GPC5: variants seen among roughly 807,000 people sequenced by gnomAD.
GPC5 encodes the protein glypican-5.
Under a neutral mutation model 53.9 loss-of-function variants are expected in GPC5, and 47 were observed. That is an observed-to-expected ratio of 0.87 (90% CI 0.69 to 1.11). GPC5 has a LOEUF of 1.11. GPC5 is among the 50% of genes most tolerant of loss of function. GPC5 has a pLI of 0.00. For missense variants in GPC5, 748 were observed against 713.1 expected (o/e 1.05, Z -0.56); for synonymous variants, 286 against 263.3 (o/e 1.09, Z -0.84).
intron 7 of GPC5, among the ~76,000 whole-genome samples, chr13:92,812,844 T>C (rs1036998461): frequency 6.6e-6 from 1 of 151,920 alleles, no homozygotes; most frequent in Non-Finnish European, 1.5e-5. Context: ...TTAAGATTTT[T>C]ATTTGTATGC....
At chr13:91,555,122 C>T (rs2030869426) in intron 2 of GPC5, among the ~76,000 whole-genome samples, 1 of 151,982 alleles carries the variant, frequency 6.6e-6, no homozygotes, top group Non-Finnish European at 1.5e-5. Flanking sequence ...ATACAGATTC[C>T]ATATGCCCTT....
chr13:91,971,612 A>C (rs1269043865), intron 6 of GPC5, among the ~76,000 whole-genome samples: 1 of 151,962 alleles, frequency 6.6e-6, no homozygotes. Flanking sequence ...TAGTGCTATA[A>C]ATTTCCCTCT....
chr13:92,336,226 G>A (rs1176995718), intron 7 of GPC5, among the ~76,000 whole-genome samples: 2 of 152,114 alleles, frequency 1.3e-5, no homozygotes, highest in African/African-American at 4.8e-5. Flanking sequence ...TAAAGGGCAG[G>A]TAAAGCAAGG....
rs113219487 is a variant in GPC5 at position 92,152,715 on chromosome 13, G to A, written c.1561+7726G>A. 7.6e-3 allele frequency among the ~76,000 whole-genome samples: 1,134 copies of A among 148,954 alleles called. 24 individuals carry two copies. The highest frequency in any genetic ancestry group is 0.027 in the African/African-American group (1,079 of 40,076). ...GATCGCACCACTGCATTCCAGCCTG[G>A]GCGACAGAGTGAGACTCCATCTCAA... On this transcript the variant is annotated intron_variant, in intron 7 of 7. Coordinates refer to ENST00000377067, the MANE Select transcript of GPC5 (RefSeq NM_004466.6).
intron 7 of GPC5, among the ~76,000 whole-genome samples, chr13:92,369,966 T>C (rs968515456): frequency 6.6e-6 from 1 of 152,176 alleles, no homozygotes; most frequent in African/African-American, 2.4e-5. Flanking sequence ...CTCATTAGTG[T>C]TTTTAGGCAG....
At chr13:92,615,987 G>T (rs113088025) in intron 7 of GPC5, among the ~76,000 whole-genome samples, 4,138 of 152,252 alleles carry the variant, frequency 0.027, 200 homozygotes, top group African/African-American at 0.095. Context: ...CCGGGAGGCA[G>T]AGCTGGCAGT....
chr13:92,364,885 C>T (rs2043596093), intron 7 of GPC5, among the ~76,000 whole-genome samples: 1 of 151,572 alleles, frequency 6.6e-6, no homozygotes, highest in Non-Finnish European at 1.5e-5. Flanking sequence ...TTGTTTTTAC[C>T]AATCAGCTCC....
chr13:92,306,572 T>C (rs1207175120), intron 7 of GPC5, among the ~76,000 whole-genome samples: 1 of 152,190 alleles, frequency 6.6e-6, no homozygotes, highest in East Asian at 1.9e-4. Context: ...ACCCAGACTC[T>C]ATTCTCAATT....
intron 4 of GPC5, among the ~76,000 whole-genome samples, chr13:91,749,767 A>T (rs2037129467): frequency 6.6e-6 from 1 of 152,194 alleles, no homozygotes; most frequent in Non-Finnish European, 1.5e-5. Context: ...TGACTTTTTA[A>T]TAAAGACATT....
chr13:92,172,915 T>C (rs930586659), intron 7 of GPC5, among the ~76,000 whole-genome samples: 1 of 150,404 alleles, frequency 6.6e-6, no homozygotes, highest in Non-Finnish European at 1.5e-5. Context: ...AGTTCTAGGG[T>C]TTTTTTAATT....
At chr13:92,756,020 A>G (rs1457370720) in intron 7 of GPC5, among the ~76,000 whole-genome samples, 1 of 152,060 alleles carries the variant, frequency 6.6e-6, no homozygotes, top group Admixed American at 6.6e-5. Context: ...TGGCAGAGAC[A>G]CAACCAAAAA....
intron 6 of GPC5, among the ~76,000 whole-genome samples, chr13:91,925,649 T>C (rs1420055052): frequency 1.3e-5 from 2 of 152,178 alleles, no homozygotes; most frequent in Non-Finnish European, 2.9e-5. Flanking sequence ...CAACAAATCT[T>C]ATTGAGGTCT....
At chr13:91,517,047 C>T (rs1885544400) in intron 2 of GPC5, among the ~76,000 whole-genome samples, 2 of 152,080 alleles carry the variant, frequency 1.3e-5, no homozygotes, top group African/African-American at 4.8e-5. Flanking sequence ...GACCTCTGGG[C>T]CTGTGATGGG....
intron 7 of GPC5, among the ~76,000 whole-genome samples, chr13:92,281,672 C>T (rs1040431005): frequency 6.6e-6 from 1 of 152,208 alleles, no homozygotes; most frequent in Non-Finnish European, 1.5e-5. Context: ...TCCAACAGAC[C>T]TGCAGCTGAG....
At chr13:92,381,638 T>G (rs2139307071) in intron 7 of GPC5, among the ~76,000 whole-genome samples, 1 of 150,720 alleles carries the variant, frequency 6.6e-6, no homozygotes, top group East Asian at 1.9e-4. Context: ...GATCCGGCAA[T>G]CCCACTACTG....
intron 7 of GPC5, among the ~76,000 whole-genome samples, chr13:92,766,953 G>A (rs1450666458): frequency 1.3e-5 from 2 of 152,158 alleles, no homozygotes; most frequent in East Asian, 3.8e-4. Context: ...CATGCTATGT[G>A]AAAGAAGAGT....
intron 7 of GPC5, among the ~76,000 whole-genome samples, chr13:92,511,172 G>A (rs949594269): frequency 1.3e-5 from 2 of 152,092 alleles, no homozygotes; most frequent in African/African-American, 4.8e-5. Context: ...TGTTCTTAAT[G>A]TATTTTTTCT....
intron 7 of GPC5, among the ~76,000 whole-genome samples, chr13:92,434,312 G>GA (rs1208390136): frequency 2.0e-5 from 3 of 151,976 alleles, no homozygotes; most frequent in East Asian, 3.9e-4. Context: ...AGTCATTCAA[G>GA]AAAAAAATGT....
chr13:91,702,846 A>T (rs1438656835), intron 3 of GPC5, among the ~76,000 whole-genome samples: 3 of 151,844 alleles, frequency 2.0e-5, no homozygotes, highest in Non-Finnish European at 4.4e-5. Context: ...CATATCTTCA[A>T]CTTCCTTTGT....
Sources: gnomAD v4.1 joint callset for allele counts (sites outside exome capture counted in the v4.1 genomes callset) on GRCh38, gnomAD v4.1.1 for gene constraint, MANE v1.5 for transcripts, NCBI Gene and HGNC (gene_info 2026-07-23, HGNC 2026-07-21) for gene names.